Variants in SPATC1 observed in about 807,000 individuals in gnomAD.
SPATC1 encodes the protein speriolin.
A neutral mutation model predicts 36.5 loss-of-function variants in SPATC1; 35 were observed. The observed-to-expected ratio is 0.96, with a 90% CI of 0.73 to 1.27. The LOEUF is 1.27. Ranked by LOEUF, SPATC1 falls within the 50% of genes most tolerant of loss-of-function variation. SPATC1 has a pLI of 0.00. For synonymous variants in SPATC1, 361 were observed against 353.6 expected (o/e 1.02, Z -0.24); for missense variants, 779 against 796.0 (o/e 0.98, Z 0.26).
At position 144,036,513 on chromosome 8, in the gene SPATC1, G is replaced by A. The variant is rs1453834229; in HGVS notation, c.212-3396G>A. Among the ~76,000 whole-genome samples, 4 of 152,096 alleles carry A rather than the reference G, an allele frequency of 2.6e-5. No homozygotes were observed. The East Asian group carries it at 5.8e-4, about 22-fold the overall frequency. On this transcript the variant is annotated intron_variant, in intron 1 of 4. Coordinates refer to ENST00000377470, the MANE Select transcript of SPATC1 (RefSeq NM_198572.3). ...TAATTTTTGGATTTTTTGTAGAGAC[G>A]GAGTTTCACCATGTTGCCCAGGCTG... is the stretch of plus-strand genomic sequence containing the variant.
chr8:144,035,925 G>A (rs1056529220), intron 1 of SPATC1, among the ~76,000 whole-genome samples: 1 of 152,244 alleles, frequency 6.6e-6, no homozygotes, highest in Middle Eastern at 3.4e-3. Flanking sequence ...TGGAGGCCAA[G>A]CAGGACAGAC....
In SPATC1 at chr8:144,040,774, T is replaced by TTCCC; in HGVS notation, c.973_974insTCCC (p.Ser325PhefsTer47). On this transcript the variant is annotated frameshift_variant, in exon 3 of 5. Transcript: ENST00000377470. LOFTEE classifies it high-confidence loss of function. Reference sequence around the variant, plus strand: ...AGTGGTCCCTGCATCTGTCCCCACCTCCCCCACCACCTCCCCCACGGTCAC... The same window carrying TTCCC: ...AGTGGTCCCTGCATCTGTCCCCACCTTCCCCCCCCACCACCTCCCCCACGGTCAC... 1 of 1,352,938 alleles carries TTCCC rather than the reference T, an allele frequency of 7.4e-7. No individual in the cohort carries two copies. Among genetic ancestry groups the TTCCC allele is most frequent in the South Asian group, 1.6e-5 (1 of 64,062 alleles). 83.8% of individuals were successfully genotyped at this position (1,352,938 alleles called of 1,614,324 possible). A position where few individuals can be genotyped will look rare whatever the true frequency, so the allele number is the denominator to read the frequency against.
chr8:144,016,213 GC>G lies in SPATC1; in HGVS notation c.211+3489del, dbSNP rs1191453201. Among the ~76,000 whole-genome samples the G allele has an allele frequency of 6.6e-6, 1 of 152,104 alleles. No homozygotes were observed. The highest frequency in any genetic ancestry group is 2.4e-5 in the African/African-American group (1 of 41,422). On this transcript the variant is annotated intron_variant, in intron 1 of 4. Coordinates refer to ENST00000377470, the MANE Select transcript of SPATC1 (RefSeq NM_198572.3). This position sits in a 1 kb window ranked among gnomAD's most constrained non-coding sequence, Gnocchi z 4.5. ...AGAGGTTGCAGTGAGCCTAGACTAC[GC>G]CATTGCACTCCAGCCTGAGCAACAA...
intron 4 of SPATC1, chr8:144,041,868 T>C (rs1587531383): frequency 6.4e-6 from 5 of 780,030 alleles, no homozygotes; most frequent in Non-Finnish European, 7.8e-6. Context: ...CAGGCCTGTG[T>C]GTAGCCTAAG....
rs563210183 is a variant in SPATC1, at chr8:144,037,691, C to A, written c.212-2218C>A. On this transcript the variant is annotated intron_variant, in intron 1 of 4. Coordinates refer to ENST00000377470, the MANE Select transcript of SPATC1 (RefSeq NM_198572.3). ...CTGTGGAAGGCCGCAGGGTCCTCTG[C>A]CTAGGAAAACCAGAGACCTTTGTTC... 2.4e-3 allele frequency among the ~76,000 whole-genome samples: 355 copies of A among 150,694 alleles called. 4 individuals carry two copies. The highest frequency in any genetic ancestry group is 8.3e-3 in the African/African-American group (344 of 41,294).
Position 144,027,947 on chromosome 8 carries a change from G to A in SPATC1, c.212-11962G>A, listed in dbSNP as rs1205147850. On this transcript the variant is annotated intron_variant, in intron 1 of 4. Coordinates refer to ENST00000377470, the MANE Select transcript of SPATC1 (RefSeq NM_198572.3). ...GGCAGAGTTTGCAGTGAGCCAAGAT[G>A]GTGGCACGGCACTCCAGCCTGGGTG... is the stretch of plus-strand genomic sequence containing the variant. 2.8e-4 allele frequency among the ~76,000 whole-genome samples: 43 copies of A among 151,966 alleles called. 1 individual carries two copies. The highest frequency in any genetic ancestry group is 2.7e-3 in the Admixed American group (41 of 15,242).
intron 1 of SPATC1, among the ~76,000 whole-genome samples, chr8:144,033,179 T>C (rs1392990090): frequency 3.9e-5 from 6 of 152,080 alleles, no homozygotes; most frequent in African/African-American, 1.4e-4. Flanking sequence ...GCGGATCACC[T>C]GAGGTCAGGA....
At chr8:144,022,372 G>A (rs1304782851) in intron 1 of SPATC1, among the ~76,000 whole-genome samples, 1 of 3,492 alleles carries the variant, frequency 2.9e-4, no homozygotes, top group African/African-American at 1.6e-3. Flanking sequence ...TCCCCTCAGG[G>A]CCCTCTGCCC....
chr8:144,031,322 C>G (rs1223919717), intron 1 of SPATC1, among the ~76,000 whole-genome samples: 13 of 152,054 alleles, frequency 8.5e-5, no homozygotes, highest in Admixed American at 2.6e-4. Flanking sequence ...CTTTCAACAG[C>G]TTAAATATGT....
Position 144,012,413 on chromosome 8 carries a change from C to T in SPATC1, c.-103C>T. The T allele has an allele frequency of 2.0e-6, 2 of 1,015,144 alleles. No homozygotes were observed. Among genetic ancestry groups the T allele is most frequent in the East Asian group, 2.6e-5 (1 of 38,340 alleles). The allele number at this position is 1,015,144 out of a possible 1,614,324, so 62.9% of individuals were successfully genotyped here. A position where few individuals can be genotyped will look rare whatever the true frequency, so the allele number is the denominator to read the frequency against. On this transcript the variant is annotated 5_prime_UTR_variant, in exon 1 of 5. Transcript: ENST00000377470. ...CCCAGGGCCCACTGGGCCAGCCTTG[C>T]AGACTCTGCACCCTCCTTCAGCCCA...
At chr8:144,017,831 G>A (rs1268727746) in intron 1 of SPATC1, among the ~76,000 whole-genome samples, 1 of 152,190 alleles carries the variant, frequency 6.6e-6, no homozygotes, top group Non-Finnish European at 1.5e-5. Flanking sequence ...GTGAGCCTGG[G>A]AGAAGGAAAG....
chr8:144,011,964 G>A (rs1215936236), upstream of SPATC1, among the ~76,000 whole-genome samples: 1 of 152,192 alleles, frequency 6.6e-6, no homozygotes, highest in Non-Finnish European at 1.5e-5. The surrounding 1 kb of genome is among the most constrained non-coding windows in gnomAD (Gnocchi z 4.5). Context: ...TCACCAAGAA[G>A]GGGCATCCTG....
intron 1 of SPATC1, among the ~76,000 whole-genome samples, chr8:144,021,611 G>A (rs1257804326): frequency 6.0e-5 from 7 of 117,336 alleles, no homozygotes; most frequent in Non-Finnish European, 1.1e-4. Context: ...AGGACCCTCT[G>A]TCCAGAAGAA....
chr8:144,040,021 C>T lies in SPATC1; in HGVS notation c.324C>T (p.Ala108=), dbSNP rs1469100436. The T allele has an allele frequency of 1.2e-6, 2 of 1,613,850 alleles. No individual in the cohort carries two copies. The highest frequency in any genetic ancestry group is 1.7e-6 in the Non-Finnish European group (2 of 1,179,998). The stretch of plus-strand genomic sequence containing the variant: ...TGCTAACCAGCTTGCAGCCCAGCGC[C>T]ACACCGGGCTCACTCATGAGCCCCC... The part of the protein sequence containing the change: ...AEMLTSLQPS[A]TPGSLMSPLT... Residue 108 remains alanine (A), a synonymous_variant, in exon 2 of 5, where the codon GCC becomes GCT. Transcript: ENST00000377470.
At position 144,040,482 on chromosome 8, in the gene SPATC1, G is replaced by C. The variant is rs1452454616; in HGVS notation, c.766+19G>C. 7.0e-6 allele frequency: 11 copies of C among 1,573,014 alleles called. No individual in the cohort carries two copies. In the Admixed American group the frequency reaches 2.0e-4, roughly 29 times the overall value. On this transcript the variant is annotated intron_variant, in intron 2 of 4. Transcript: ENST00000377470. ...ACCAAAGGTAACAGGTGTGGTGGGT[G>C]GTGGGTGGCAGAGTGGGGGGGGGCA...
At chr8:144,038,009 A>G (rs113147680) in intron 1 of SPATC1, among the ~76,000 whole-genome samples, 2,493 of 151,586 alleles carry the variant, frequency 0.016, 67 homozygotes, top group African/African-American at 0.057. Context: ...GGCGCCTGTA[A>G]TCCCAGCTAC....
In SPATC1 at chr8:144,041,296, C is replaced by A; in HGVS notation, c.1371C>A (p.Ile457=). The A allele has an allele frequency of 6.2e-7, 1 of 1,613,200 alleles. No individual in the cohort carries two copies. Among genetic ancestry groups the A allele is most frequent in the Non-Finnish European group, 8.5e-7 (1 of 1,180,000 alleles). ...GEIAFQLDRR[I]LSSIFPERVR... is the part of the protein sequence containing the mutation. ...TTGCCTTCCAGCTGGACCGCAGGAT[C>A]CTGTCCAGCATCTTCCCAGAGCGCG... is the stretch of plus-strand genomic sequence containing the variant. Residue 457 remains isoleucine (I), a synonymous_variant, in exon 4 of 5, where the codon ATC becomes ATA. Coordinates refer to ENST00000377470, the MANE Select transcript of SPATC1 (RefSeq NM_198572.3).
At chr8:144,038,250 T>G (rs1465091095) in intron 1 of SPATC1, among the ~76,000 whole-genome samples, 2 of 151,474 alleles carry the variant, frequency 1.3e-5, no homozygotes, top group Non-Finnish European at 2.9e-5. Context: ...CTGGTCAACA[T>G]GGTGAAACCC....
chr8:144,030,386 G>A (rs1834770374), intron 1 of SPATC1, among the ~76,000 whole-genome samples: 1 of 151,522 alleles, frequency 6.6e-6, no homozygotes. Context: ...TTGAGACAGG[G>A]TCTCACTCTT....
Sources: allele counts gnomAD v4.1 joint callset (sites outside exome capture counted in the v4.1 genomes callset), GRCh38; gene constraint gnomAD v4.1.1; non-coding constraint Gnocchi (gnomAD v3.1); transcripts MANE v1.5; gene names NCBI Gene and HGNC (gene_info 2026-07-23, HGNC 2026-07-21).